The following DEPDC4 variants were observed in gnomAD, a reference collection of about 807,000 sequenced individuals.
DEPDC4 encodes DEP domain-containing protein 4.
In DEPDC4, 52 loss-of-function variants were observed where a neutral mutation model predicts 52.0. The observed-to-expected ratio is 1.00, with a 90% CI of 0.80 to 1.26. The LOEUF (loss-of-function observed/expected upper bound fraction) is 1.26, where lower values mean the gene tolerates loss of function less well. DEPDC4 is among the 50% of genes most tolerant of loss of function. The pLI, the probability that DEPDC4 is intolerant of heterozygous loss-of-function variation, is 0.00. For missense variants in DEPDC4, 530 were observed against 546.9 expected (o/e 0.97, Z 0.31); for synonymous variants, 201 against 196.8 (o/e 1.02, Z -0.18).
At chr12:100,243,897 T>C (rs1296883243) in intron 8 of DEPDC4, among the ~76,000 whole-genome samples, 1 of 151,780 alleles carries the variant, frequency 6.6e-6, no homozygotes, top group African/African-American at 2.4e-5. Context: ...TTCCAATACA[T>C]GGAACCCTCC....
chr12:100,279,484 A>G, the DEPDC4 span, among the ~76,000 whole-genome samples: 1 of 152,182 alleles, frequency 6.6e-6, no homozygotes, highest in Non-Finnish European at 1.5e-5. Flanking sequence ...CATGTCTGAT[A>G]GTTGTTGATT....
chr12:100,246,125 T>TG (rs2096184302), intron 8 of DEPDC4, among the ~76,000 whole-genome samples: 2 of 148,040 alleles, frequency 1.4e-5, no homozygotes, highest in African/African-American at 4.9e-5. Context: ...ACGCCTGGGT[T>TG]TTTTTTTTTT....
the DEPDC4 span, among the ~76,000 whole-genome samples, chr12:100,278,315 T>G: frequency 6.6e-6 from 1 of 152,184 alleles, no homozygotes; most frequent in Non-Finnish European, 1.5e-5. Flanking sequence ...TTCTTCTGCC[T>G]CAGCCTCCTG....
At chr12:100,259,280 G>A (rs2096245659) in intron 3 of DEPDC4, among the ~76,000 whole-genome samples, 1 of 152,132 alleles carries the variant, frequency 6.6e-6, no homozygotes, top group Admixed American at 6.6e-5. Context: ...AGGGCAGCCA[G>A]TCCGTTATTG....
At chr12:100,276,166 G>A in the DEPDC4 span, among the ~76,000 whole-genome samples, 1 of 152,156 alleles carries the variant, frequency 6.6e-6, no homozygotes, top group Non-Finnish European at 1.5e-5. Flanking sequence ...GAAATGGAAA[G>A]TATCCTCCCC....
At chr12:100,263,332 T>C (rs1014265883) in intron 2 of DEPDC4, among the ~76,000 whole-genome samples, 165 bp downstream of exon 2, 4 of 152,198 alleles carry the variant, frequency 2.6e-5, no homozygotes, top group African/African-American at 9.7e-5. Flanking sequence ...TCTAGTCTAT[T>C]GCATCATTCC....
At chr12:100,281,019 GTTTTTTTTTTTTTTTT>G in the DEPDC4 span, among the ~76,000 whole-genome samples, 19 of 50,494 alleles carry the variant, frequency 3.8e-4, no homozygotes, top group African/African-American at 1.1e-3. Context: ...TACCATCAGT[GTTTTTTTTTTTTTTTT>G]TTTTTTTTTT....
chr12:100,239,166 T>C (rs2096149042), downstream of DEPDC4, among the ~76,000 whole-genome samples: 1 of 152,130 alleles, frequency 6.6e-6, no homozygotes, highest in Non-Finnish European at 1.5e-5. Flanking sequence ...AACCTCCACC[T>C]CCTGGGTTCA....
At chr12:100,276,800 T>C in the DEPDC4 span, among the ~76,000 whole-genome samples, 2 of 152,094 alleles carry the variant, frequency 1.3e-5, no homozygotes, top group Admixed American at 1.3e-4. Context: ...CTTCTACTTA[T>C]TTTAATTTTC....
chr12:100,275,240 C>T, the DEPDC4 span, among the ~76,000 whole-genome samples: 2 of 151,578 alleles, frequency 1.3e-5, no homozygotes, highest in African/African-American at 4.9e-5. Flanking sequence ...CTCACCCTGT[C>T]ACCCAGGCTG....
intron 8 of DEPDC4, among the ~76,000 whole-genome samples, chr12:100,245,582 A>G (rs1050348409): frequency 1.3e-5 from 2 of 152,224 alleles, no homozygotes; most frequent in African/African-American, 2.4e-5. Context: ...TTTTCTTCGT[A>G]ACCCACAAGT....
upstream of DEPDC4, chr12:100,267,288 C>T (rs1409199207): frequency 1.8e-6 from 1 of 549,656 alleles, no homozygotes; most frequent in African/African-American, 1.9e-5. Context: ...TGGAGTAAAG[C>T]CAGAGTCAGT....
chr12:100,274,367 TA>T, the DEPDC4 span, among the ~76,000 whole-genome samples: 1 of 152,234 alleles, frequency 6.6e-6, no homozygotes, highest in South Asian at 2.1e-4. Flanking sequence ...AATTGTCGTA[TA>T]TTGTGATAGT....
intron 3 of DEPDC4, among the ~76,000 whole-genome samples, chr12:100,258,656 A>C (rs1252410766): frequency 2.6e-5 from 4 of 152,330 alleles, no homozygotes. Flanking sequence ...CAACACCAAC[A>C]CAAGAAGCTA....
chr12:100,271,028 TTTGTAA>T (rs1339461926), upstream of DEPDC4, among the ~76,000 whole-genome samples: 3 of 152,086 alleles, frequency 2.0e-5, no homozygotes, highest in African/African-American at 4.8e-5. Context: ...TTAGATACTC[TTTGTAA>T]TTGTAAAGAG....
downstream of DEPDC4, among the ~76,000 whole-genome samples, chr12:100,239,115 T>G (rs2096148836): frequency 1.3e-5 from 2 of 152,146 alleles, no homozygotes; most frequent in Non-Finnish European, 2.9e-5. Context: ...CTCTCCCTAT[T>G]GCTGAGGCTG....
chr12:100,265,825 G>A (rs542489646), intron 1 of DEPDC4, among the ~76,000 whole-genome samples: 1 of 152,198 alleles, frequency 6.6e-6, no homozygotes, highest in Non-Finnish European at 1.5e-5. Context: ...AAAAATGTAT[G>A]TAAATAAATA....
the DEPDC4 span, among the ~76,000 whole-genome samples, chr12:100,278,769 A>C: frequency 1.3e-5 from 2 of 151,496 alleles, no homozygotes; most frequent in African/African-American, 4.9e-5. Context: ...AGCTGGGACT[A>C]CAGGCGCGTA....
downstream of DEPDC4, chr12:100,237,886 A>T (rs898476159): frequency 6.1e-6 from 1 of 164,536 alleles, no homozygotes; most frequent in Non-Finnish European, 1.3e-5. Flanking sequence ...TTTTCTGAAC[A>T]GCAGACGCAA....
Sources: gnomAD v4.1 joint callset for allele counts (sites outside exome capture counted in the v4.1 genomes callset) on GRCh38, gnomAD v4.1.1 for gene constraint, MANE v1.5 for transcripts, NCBI Gene and HGNC (gene_info 2026-07-23, HGNC 2026-07-21) for gene names.